Variants in MTRF1 observed in about 807,000 individuals in gnomAD.
MTRF1 encodes the protein peptide chain release factor 1, mitochondrial.
In MTRF1, 51 loss-of-function variants were observed where a neutral mutation model predicts 62.9. That is an observed-to-expected ratio of 0.81 (90% CI 0.65 to 1.02). The LOEUF (loss-of-function observed/expected upper bound fraction) is 1.02. MTRF1 is among the 50% of genes least tolerant of loss of function. The pLI, the probability that MTRF1 is intolerant of heterozygous loss-of-function variation, is 0.00. For synonymous variants in MTRF1, 158 were observed against 181.9 expected (o/e 0.87, Z 1.06); for missense variants, 446 against 530.0 (o/e 0.84, Z 1.56).
rs1352400341 is a variant in MTRF1, at chr13:41,226,561, T to A, written c.996A>T (p.Val332=). The A allele has an allele frequency of 1.9e-6, 3 of 1,613,554 alleles. No individual in the cohort carries two copies. The highest frequency in any genetic ancestry group is 2.5e-6 in the Non-Finnish European group (3 of 1,179,968). ...GTGATCTTTCTTGTTGGCATTCTAC[T>A]ACTAGCCCTGAAAAATAACAGGGAT... is the stretch of plus-strand genomic sequence containing the variant. The part of the protein sequence containing the change: ...VRLVHIPTGL[V]VECQQERSQI... Residue 332 remains valine, a synonymous_variant, in exon 8 of 10, where the codon GTA becomes GTT. Coordinates refer to ENST00000379480, the MANE Select transcript of MTRF1 (RefSeq NM_004294.4).
chr13:41,279,740 T>C, the MTRF1 span, among the ~76,000 whole-genome samples: 4 of 152,146 alleles, frequency 2.6e-5, no homozygotes, highest in Non-Finnish European at 5.9e-5. Flanking sequence ...CCCTGCAAGG[T>C]CTCTCATGGG....
At chr13:41,285,247 A>G in the MTRF1 span, among the ~76,000 whole-genome samples, 2 of 152,176 alleles carry the variant, frequency 1.3e-5, no homozygotes, top group African/African-American at 4.8e-5. Flanking sequence ...CCCTTCTTCT[A>G]AACTCTCCTA....
intron 5 of MTRF1, chr13:41,252,394 G>C: frequency 3.4e-6 from 1 of 292,238 alleles, no homozygotes; most frequent in Non-Finnish European, 6.3e-6. Flanking sequence ...ACGTATCTAA[G>C]TTCCTCAGGG....
chr13:41,244,319 G>T (rs1446366912), intron 5 of MTRF1, among the ~76,000 whole-genome samples: 1 of 152,146 alleles, frequency 6.6e-6, no homozygotes, highest in Non-Finnish European at 1.5e-5. Context: ...CAAGGTCTTT[G>T]TTTCTACGTG....
intron 1 of MTRF1, chr13:41,263,208 G>T (rs1343936741): frequency 1.7e-6 from 2 of 1,202,944 alleles, no homozygotes; most frequent in East Asian, 5.7e-5. Flanking sequence ...AATTTTCAAG[G>T]TCATGAATCT....
chr13:41,311,816 C>T, the MTRF1 span, among the ~76,000 whole-genome samples: 3 of 152,246 alleles, frequency 2.0e-5, no homozygotes, highest in African/African-American at 7.2e-5. Context: ...CGCCTCACCC[C>T]CGCCGCGCTC....
the MTRF1 span, among the ~76,000 whole-genome samples, chr13:41,307,339 A>G: frequency 6.6e-6 from 1 of 152,198 alleles, no homozygotes; most frequent in Non-Finnish European, 1.5e-5. Context: ...AAAAGTGTGT[A>G]GCACCGCTGG....
chr13:41,234,079 C>T (rs1240565310), intron 6 of MTRF1, 72 bp from the exon 7 acceptor site: 5 of 1,155,180 alleles, frequency 4.3e-6, no homozygotes, highest in Non-Finnish European at 6.5e-6. Flanking sequence ...CAAGATTTTT[C>T]AAATAAACTG....
chr13:41,253,304 C>T (rs1218535207), intron 3 of MTRF1, among the ~76,000 whole-genome samples: 1 of 152,166 alleles, frequency 6.6e-6, no homozygotes, highest in African/African-American at 2.4e-5. Context: ...AGATCAAAGT[C>T]CAGGGTGTTC....
At chr13:41,276,395 C>T in the MTRF1 span, among the ~76,000 whole-genome samples, 1 of 152,118 alleles carries the variant, frequency 6.6e-6, no homozygotes, top group Non-Finnish European at 1.5e-5. Context: ...TGGTCTTGAA[C>T]TCCTGACCTC....
At chr13:41,310,027 G>A in the MTRF1 span, among the ~76,000 whole-genome samples, 19 of 152,246 alleles carry the variant, frequency 1.2e-4, no homozygotes, top group African/African-American at 4.3e-4. Flanking sequence ...GGGCAGCCCA[G>A]TTCTGATTAC....
chr13:41,299,005 C>G, the MTRF1 span, among the ~76,000 whole-genome samples: 1 of 152,112 alleles, frequency 6.6e-6, no homozygotes, highest in Non-Finnish European at 1.5e-5. Context: ...CATGGCAAAA[C>G]CCCGTTTCTA....
intron 6 of MTRF1, chr13:41,236,622 A>G (rs1307187435): frequency 6.6e-6 from 1 of 152,236 alleles, no homozygotes; most frequent in Non-Finnish European, 1.5e-5. Flanking sequence ...GAAAATGATT[A>G]TACAGCTTTT....
the MTRF1 span, among the ~76,000 whole-genome samples, chr13:41,302,391 G>A: frequency 1.0e-5 from 1 of 99,434 alleles, no homozygotes; most frequent in Non-Finnish European, 2.7e-5. Flanking sequence ...TGGGAGAAGT[G>A]GCAGAGAGAG....
At chr13:41,258,101 CTAAT>C (rs1177843945) in intron 2 of MTRF1, among the ~76,000 whole-genome samples, 5 of 152,158 alleles carry the variant, frequency 3.3e-5, no homozygotes, top group Non-Finnish European at 5.9e-5. Context: ...CTTCTCAAAA[CTAAT>C]TAACTACAAA....
intron 2 of MTRF1, chr13:41,257,603 G>A (rs1229782316): frequency 5.4e-6 from 1 of 184,674 alleles, no homozygotes; most frequent in Non-Finnish European, 1.2e-5. Context: ...GGAAAACACA[G>A]GCTGGGCAAC....
the MTRF1 span, among the ~76,000 whole-genome samples, chr13:41,269,016 C>CT: frequency 0.014 from 1,897 of 138,690 alleles, 50 homozygotes; most frequent in African/African-American, 0.046. Flanking sequence ...GTGACCATCC[C>CT]TTTTTTTTTT....
the MTRF1 span, among the ~76,000 whole-genome samples, chr13:41,274,409 A>G: frequency 6.6e-6 from 1 of 152,174 alleles, no homozygotes; most frequent in Non-Finnish European, 1.5e-5. Flanking sequence ...TTTAAAAGGT[A>G]AAGTTATGAC....
At chr13:41,254,763 G>T in intron 2 of MTRF1, 143 bp from the exon 3 acceptor site, 1 of 547,232 alleles carries the variant, frequency 1.8e-6, no homozygotes, top group Non-Finnish European at 3.1e-6. Flanking sequence ...TAGAATATTT[G>T]GAGAATGTCA....
Sources: allele counts gnomAD v4.1 joint callset (sites outside exome capture counted in the v4.1 genomes callset), GRCh38; gene constraint gnomAD v4.1.1; transcripts MANE v1.5; gene names NCBI Gene and HGNC (gene_info 2026-07-23, HGNC 2026-07-21).